Variants in MAST4 observed in about 807,000 individuals in gnomAD.
The protein encoded by MAST4 is microtubule associated serine/threonine kinase family member 4.
In MAST4, 89 loss-of-function variants were observed where a neutral mutation model predicts 162.7. The ratio of observed to expected loss-of-function variants is 0.55; its 90% confidence interval spans 0.46 to 0.65. The LOEUF (loss-of-function observed/expected upper bound fraction) is 0.65, where lower values mean the gene tolerates loss of function less well. Among genes scored for constraint, MAST4 ranks in the 30% least tolerant of loss-of-function variants. The probability of loss-of-function intolerance (pLI) is 0.00; values close to 1 mark genes in which losing one functional copy is unlikely to be tolerated. For synonymous variants in MAST4, 1,479 were observed against 1,361.1 expected (o/e 1.09, Z -1.91); for missense variants, 3,153 against 3,374.0 (o/e 0.93, Z 1.62).
chr5:67,168,179 T>A lies in MAST4; in HGVS notation c.*1128T>A, dbSNP rs1393397822. 6.6e-6 allele frequency: 1 copy of A among 152,206 alleles called. No homozygotes were observed. The highest frequency in any genetic ancestry group is 1.5e-5 in the Non-Finnish European group (1 of 68,042). The allele number at this position is 152,206 out of a possible 1,614,324, so 9.4% of individuals were successfully genotyped here. A position where few individuals can be genotyped will look rare whatever the true frequency, so the allele number is the denominator to read the frequency against. On this transcript the variant is annotated 3_prime_UTR_variant, in exon 29 of 29. Transcript: ENST00000403625. The stretch of plus-strand genomic sequence containing the variant: ...GCATCGTAGCATATCGATTAAAGAA[T>A]AATCAGGACATCAGATACATTTTAA...
intron 1 of MAST4, among the ~76,000 whole-genome samples, chr5:66,663,418 A>G (rs192898403): frequency 1.2e-3 from 190 of 152,334 alleles, no homozygotes; most frequent in South Asian, 4.8e-3. Flanking sequence ...TCGATGTCAA[A>G]TGGAGAAAAA....
At chr5:67,021,989 T>C (rs1244088990) in intron 4 of MAST4, among the ~76,000 whole-genome samples, 1 of 152,192 alleles carries the variant, frequency 6.6e-6, no homozygotes, top group African/African-American at 2.4e-5. Context: ...CCCTACTCCC[T>C]GCTTATTTTA....
At chr5:67,054,337 G>A (rs537826801) in intron 4 of MAST4, 67 bp from the exon 5 acceptor site, 4 of 1,342,680 alleles carry the variant, frequency 3.0e-6, no homozygotes, top group African/African-American at 2.9e-5. Context: ...ATGTCTACCG[G>A]GAACATGGTT....
At chr5:66,888,578 A>G (rs764226217) in intron 3 of MAST4, among the ~76,000 whole-genome samples, 5 of 152,210 alleles carry the variant, frequency 3.3e-5, no homozygotes, top group South Asian at 4.1e-4. Context: ...GGTTGTCTGT[A>G]ATTTTAATAG....
intron 5 of MAST4, among the ~76,000 whole-genome samples, chr5:67,078,916 AT>A (rs371555395): frequency 0.062 from 4,068 of 65,590 alleles, 413 homozygotes; most frequent in Non-Finnish European, 0.08. Context: ...ATATAAATAT[AT>A]ATATATATAT....
At chr5:66,636,539 C>G (rs906189327) in intron 1 of MAST4, among the ~76,000 whole-genome samples, 3 of 152,134 alleles carry the variant, frequency 2.0e-5, no homozygotes, top group African/African-American at 7.2e-5. Flanking sequence ...AGGCCAAACT[C>G]CTTTTCTGCT....
chr5:66,950,222 CT>C (rs981514057), intron 4 of MAST4, among the ~76,000 whole-genome samples: 53 of 131,750 alleles, frequency 4.0e-4, no homozygotes, highest in African/African-American at 9.0e-4. Context: ...AACTAGTATA[CT>C]TTTTTTTTCT....
intron 1 of MAST4, among the ~76,000 whole-genome samples, chr5:66,697,442 A>AATTACAAATAAC (rs1216900941): frequency 1.3e-5 from 2 of 152,234 alleles, no homozygotes; most frequent in Non-Finnish European, 2.9e-5. Context: ...AATAACCTTT[A>AATTACAAATAAC]AGAAACTAGT....
At chr5:67,052,927 A>T (rs568324479) in intron 4 of MAST4, among the ~76,000 whole-genome samples, 21 of 152,314 alleles carry the variant, frequency 1.4e-4, no homozygotes, top group South Asian at 1.0e-3. Flanking sequence ...CACTGAATAC[A>T]TTATACAGTA....
chr5:66,926,341 A>G (rs1034113277), intron 4 of MAST4, among the ~76,000 whole-genome samples: 3 of 152,166 alleles, frequency 2.0e-5, no homozygotes, highest in African/African-American at 4.8e-5. Flanking sequence ...TGAGGTCAGG[A>G]GTTCAAGGCC....
chr5:67,117,215 C>T (rs1767022971), intron 12 of MAST4, among the ~76,000 whole-genome samples: 1 of 152,178 alleles, frequency 6.6e-6, no homozygotes, highest in Admixed American at 6.5e-5. Flanking sequence ...TTTTAGTTCA[C>T]CTCCAAGTCC....
chr5:66,689,956 G>A (rs1275707255), intron 1 of MAST4, among the ~76,000 whole-genome samples: 1 of 152,030 alleles, frequency 6.6e-6, no homozygotes, highest in Non-Finnish European at 1.5e-5. Flanking sequence ...ACCTAGACTT[G>A]GCCTCCTCTA....
At chr5:66,599,918 G>GTGT (rs1554033795) in intron 1 of MAST4, among the ~76,000 whole-genome samples, 2 of 149,974 alleles carry the variant, frequency 1.3e-5, no homozygotes, top group Non-Finnish European at 3.0e-5. Flanking sequence ...TTTCTAAAGG[G>GTGT]GTGTGTGTGT....
intron 3 of MAST4, among the ~76,000 whole-genome samples, chr5:66,800,684 T>G (rs1755875242): frequency 6.6e-6 from 1 of 152,124 alleles, no homozygotes; most frequent in East Asian, 1.9e-4. Context: ...TTTGTACCCC[T>G]GAACTTAAAA....
intron 4 of MAST4, among the ~76,000 whole-genome samples, chr5:67,038,909 A>G (rs1756372562): frequency 6.6e-6 from 1 of 152,198 alleles, no homozygotes; most frequent in South Asian, 2.1e-4. Context: ...TGAAGCTAGT[A>G]TCTTAAGACC....
At chr5:66,620,565 T>C (rs941000870) in intron 1 of MAST4, among the ~76,000 whole-genome samples, 4 of 152,166 alleles carry the variant, frequency 2.6e-5, no homozygotes, top group African/African-American at 9.7e-5. Context: ...GACATTTCTG[T>C]AGAAATGCTG....
At chr5:67,028,200 T>TAA (rs1179447098) in intron 4 of MAST4, among the ~76,000 whole-genome samples, 3 of 137,146 alleles carry the variant, frequency 2.2e-5, no homozygotes, top group African/African-American at 5.3e-5. Flanking sequence ...GTGAAAGAAG[T>TAA]AAACAACCTT....
At chr5:66,887,799 A>G (rs560415809) in intron 3 of MAST4, among the ~76,000 whole-genome samples, 3 of 152,368 alleles carry the variant, frequency 2.0e-5, no homozygotes, top group African/African-American at 7.2e-5. Flanking sequence ...ACTAGTTTTC[A>G]CAGTGGTGAT....
chr5:66,994,834 A>G (rs1235171751), intron 4 of MAST4, among the ~76,000 whole-genome samples: 1 of 152,206 alleles, frequency 6.6e-6, no homozygotes, highest in African/African-American at 2.4e-5. Context: ...TATTATATTC[A>G]TGTCTAGATA....
Sources: allele counts gnomAD v4.1 joint callset (sites outside exome capture counted in the v4.1 genomes callset), GRCh38; gene constraint gnomAD v4.1.1; transcripts MANE v1.5; gene names NCBI Gene and HGNC (gene_info 2026-07-23, HGNC 2026-07-21).